STPG2: variants seen among roughly 807,000 people sequenced by gnomAD.
STPG2 encodes the protein sperm-tail PG-rich repeat-containing protein 2.
STPG2 carries 56 observed loss-of-function variants against 54.2 expected under a neutral mutation model. That is an observed-to-expected ratio of 1.03 (90% CI 0.83 to 1.29). The LOEUF is 1.29. Among genes scored for constraint, STPG2 ranks in the 50% most tolerant of loss-of-function variants. STPG2 has a pLI of 0.00. For missense variants in STPG2, 596 were observed against 544.9 expected (o/e 1.09, Z -0.93); for synonymous variants, 200 against 181.8 (o/e 1.10, Z -0.81).
intron 9 of STPG2, among the ~76,000 whole-genome samples, chr4:97,781,371 A>T (rs1453656247): frequency 1.3e-5 from 2 of 152,314 alleles, no homozygotes; most frequent in Middle Eastern, 3.4e-3. Context: ...CCCTCCCAAG[A>T]CTAAACCAGG....
chr4:97,621,022 C>T (rs949480127), intron 10 of STPG2, among the ~76,000 whole-genome samples: 12 of 152,114 alleles, frequency 7.9e-5, no homozygotes, highest in African/African-American at 2.9e-4. Flanking sequence ...ACACAACCTG[C>T]TCCTGAATGA....
chr4:97,980,759 T>G (rs141535798), intron 6 of STPG2, among the ~76,000 whole-genome samples: 1 of 152,258 alleles, frequency 6.6e-6, no homozygotes, highest in African/African-American at 2.4e-5. Context: ...CACTAAAATA[T>G]CCACTGAGAA....
At chr4:97,577,226 A>C (rs1578400966) in intron 10 of STPG2, among the ~76,000 whole-genome samples, 1 of 152,228 alleles carries the variant, frequency 6.6e-6, no homozygotes, top group Non-Finnish European at 1.5e-5. Flanking sequence ...TCAACCTAGC[A>C]GTCCCATTAC....
At chr4:97,751,535 A>T (rs1238525437) in intron 9 of STPG2, among the ~76,000 whole-genome samples, 1 of 151,864 alleles carries the variant, frequency 6.6e-6, no homozygotes, top group African/African-American at 2.4e-5. Context: ...GTTCAAATTG[A>T]ACATATTTTT....
At chr4:97,879,976 A>G (rs1372027342) in intron 8 of STPG2, among the ~76,000 whole-genome samples, 1 of 152,244 alleles carries the variant, frequency 6.6e-6, no homozygotes, top group East Asian at 1.9e-4. Context: ...TGAAATGGTT[A>G]TGTTGAAGAA....
intron 8 of STPG2, among the ~76,000 whole-genome samples, chr4:97,873,240 C>T (rs936073928): frequency 2.0e-5 from 3 of 149,938 alleles, no homozygotes; most frequent in Non-Finnish European, 4.5e-5. Context: ...CTTCTTTCTC[C>T]TTTCCACATT....
chr4:97,756,724 TC>T (rs1049947461), intron 9 of STPG2, among the ~76,000 whole-genome samples: 3 of 152,006 alleles, frequency 2.0e-5, no homozygotes, highest in Non-Finnish European at 4.4e-5. Flanking sequence ...CTCCTATCAC[TC>T]CAAGAAGCAT....
chr4:98,116,078 C>G (rs1485860531), intron 3 of STPG2, among the ~76,000 whole-genome samples: 1 of 151,746 alleles, frequency 6.6e-6, no homozygotes. Flanking sequence ...ATTAGGTCAT[C>G]AAATAAATGT....
chr4:97,959,935 G>C (rs183112328), intron 7 of STPG2, among the ~76,000 whole-genome samples: 1 of 152,084 alleles, frequency 6.6e-6, no homozygotes, highest in Non-Finnish European at 1.5e-5. Context: ...GAACATAGAT[G>C]TAAAAATCCT....
At chr4:97,576,300 A>G (rs886217521) in intron 10 of STPG2, among the ~76,000 whole-genome samples, 4 of 151,504 alleles carry the variant, frequency 2.6e-5, no homozygotes, top group Middle Eastern at 3.4e-3. Context: ...AAAAGCCCCA[A>G]TAGCCAGAGC....
intron 8 of STPG2, among the ~76,000 whole-genome samples, chr4:97,868,005 G>T (rs1259415825): frequency 6.6e-6 from 1 of 151,854 alleles, no homozygotes. Flanking sequence ...AAGAGAAAAT[G>T]GGTATTGTAA....
At chr4:97,462,682 T>G (rs1298213320) in intron 4 of STPG2, among the ~76,000 whole-genome samples, 1 of 152,094 alleles carries the variant, frequency 6.6e-6, no homozygotes, top group Non-Finnish European at 1.5e-5. Context: ...AAAATTTTAT[T>G]TTCCAATAAT....
chr4:97,775,425 T>G (rs959261294), intron 9 of STPG2, among the ~76,000 whole-genome samples: 3 of 151,934 alleles, frequency 2.0e-5, no homozygotes, highest in African/African-American at 7.3e-5. Context: ...TTTTAAAAAA[T>G]GCAAAAATAA....
At chr4:97,593,743 G>C (rs1210159129) in intron 10 of STPG2, among the ~76,000 whole-genome samples, 1 of 152,138 alleles carries the variant, frequency 6.6e-6, no homozygotes. Context: ...GCACTTTAGC[G>C]AGCACTACAC....
chr4:97,653,685 G>A (rs776562458), intron 10 of STPG2, among the ~76,000 whole-genome samples: 3 of 152,072 alleles, frequency 2.0e-5, no homozygotes, highest in Non-Finnish European at 4.4e-5. Flanking sequence ...TTATGTTATT[G>A]ATAATGGAAA....
intron 10 of STPG2, among the ~76,000 whole-genome samples, chr4:97,610,947 A>G (rs1486781568): frequency 6.6e-6 from 1 of 152,102 alleles, no homozygotes; most frequent in Non-Finnish European, 1.5e-5. Flanking sequence ...CACATAGGTG[A>G]AATATTTTTC....
At chr4:97,573,434 A>G (rs1212408301) in intron 10 of STPG2, among the ~76,000 whole-genome samples, 2 of 152,040 alleles carry the variant, frequency 1.3e-5, no homozygotes, top group Non-Finnish European at 2.9e-5. Flanking sequence ...TTAAATCACC[A>G]TGTGTGAAAT....
intron 9 of STPG2, among the ~76,000 whole-genome samples, chr4:97,822,727 T>A (rs1199775694): frequency 6.6e-6 from 1 of 151,852 alleles, no homozygotes; most frequent in Non-Finnish European, 1.5e-5. Flanking sequence ...AAGTAGGGGG[T>A]AAGGGTGCCA....
intron 5 of STPG2, among the ~76,000 whole-genome samples, chr4:98,099,282 A>G (rs995622931): frequency 2.4e-5 from 3 of 126,838 alleles, no homozygotes; most frequent in Admixed American, 7.4e-5. Context: ...TTATTTAGCC[A>G]TACAAAAGAA....
Sources: allele counts gnomAD v4.1 joint callset (sites outside exome capture counted in the v4.1 genomes callset), GRCh38; gene constraint gnomAD v4.1.1; transcripts MANE v1.5; gene names NCBI Gene and HGNC (gene_info 2026-07-23, HGNC 2026-07-21).